The following MEP1B variants were observed in gnomAD, a reference collection of about 807,000 sequenced individuals.
The protein encoded by MEP1B is N-benzoyl-L-tyrosyl-P-amino-benzoic acid hydrolase subunit beta.
MEP1B carries 80 observed loss-of-function variants against 84.6 expected under a neutral mutation model. That is an observed-to-expected ratio of 0.95 (90% CI 0.79 to 1.14). MEP1B has a LOEUF of 1.14. Ranked by LOEUF, MEP1B falls within the 50% of genes most tolerant of loss-of-function variation. MEP1B has a pLI of 0.00. For missense variants in MEP1B, 766 were observed against 855.1 expected, an observed-to-expected ratio of 0.90 and a Z score of 1.30; for synonymous variants, 273 against 288.1, an observed-to-expected ratio of 0.95 and a Z score of 0.53.
At chr18:32,199,899 C>T (rs530841521) in intron 5 of MEP1B, among the ~76,000 whole-genome samples, 2 of 152,310 alleles carry the variant, frequency 1.3e-5, no homozygotes, top group South Asian at 4.1e-4. Flanking sequence ...ACCTCGGCCT[C>T]CCGAAGTGTT....
intron 14 of MEP1B, among the ~76,000 whole-genome samples, chr18:32,219,088 G>A (rs967582597): frequency 3.3e-5 from 5 of 152,136 alleles, no homozygotes; most frequent in Admixed American, 2.6e-4. Flanking sequence ...CAGAAAAAAT[G>A]CCCAATTAGA....
intron 6 of MEP1B, among the ~76,000 whole-genome samples, chr18:32,203,513 T>A (rs2040933268): frequency 6.6e-6 from 1 of 152,126 alleles, no homozygotes; most frequent in African/African-American, 2.4e-5. Flanking sequence ...AAAAACCAGG[T>A]CTAGACCACC....
At chr18:32,209,084 G>T (rs1178507230) in intron 9 of MEP1B, among the ~76,000 whole-genome samples, 2 of 152,284 alleles carry the variant, frequency 1.3e-5, no homozygotes, top group Middle Eastern at 3.4e-3. Context: ...TAAGGGAAAG[G>T]TTCCCTAATG....
At chr18:32,201,865 G>C (rs1158787370) in intron 5 of MEP1B, among the ~76,000 whole-genome samples, 2 of 152,170 alleles carry the variant, frequency 1.3e-5, no homozygotes, top group Non-Finnish European at 2.9e-5. Context: ...CTCAACAGAG[G>C]CATACCAAGT....
intron 9 of MEP1B, 28 bp from the exon 10 acceptor site, chr18:32,210,473 T>G (rs1223504340): frequency 6.3e-7 from 1 of 1,594,188 alleles, no homozygotes; most frequent in African/African-American, 1.3e-5. Context: ...GTATCTGTTT[T>G]TCTCTCAATT....
At chr18:32,219,492 C>T (rs1450554961) in intron 14 of MEP1B, among the ~76,000 whole-genome samples, 1 of 152,042 alleles carries the variant, frequency 6.6e-6, no homozygotes, top group Non-Finnish European at 1.5e-5. Flanking sequence ...GGCAGCTGTG[C>T]CTGCAAGTTC....
chr18:32,219,424 A>G (rs1435898553), intron 14 of MEP1B, among the ~76,000 whole-genome samples: 1 of 152,228 alleles, frequency 6.6e-6, no homozygotes, highest in Non-Finnish European at 1.5e-5. Flanking sequence ...AGCTTATTTT[A>G]TGACTCAAAA....
intron 5 of MEP1B, among the ~76,000 whole-genome samples, chr18:32,201,966 C>A (rs1443321963): frequency 5.3e-5 from 8 of 152,170 alleles, no homozygotes; most frequent in Admixed American, 4.6e-4. Flanking sequence ...GGAACTTCAC[C>A]TTTACTTTCT....
chr18:32,216,273 GA>G (rs2041089091), intron 12 of MEP1B, among the ~76,000 whole-genome samples: 1 of 152,074 alleles, frequency 6.6e-6, no homozygotes, highest in Non-Finnish European at 1.5e-5. Flanking sequence ...ATACCTCTTG[GA>G]GAGATTATTC....
chr18:32,209,658 G>T (rs1182310143), intron 9 of MEP1B, among the ~76,000 whole-genome samples: 1 of 152,056 alleles, frequency 6.6e-6, no homozygotes, highest in African/African-American at 2.4e-5. Context: ...TTCATTACAA[G>T]TATCATTTTA....
rs758059110 is a variant in MEP1B, at chr18:32,215,062, A to C, written c.1580-20A>C. The C allele has an allele frequency of 3.2e-6, 5 of 1,545,344 alleles. No homozygotes were observed. Among genetic ancestry groups the C allele is most frequent in the Non-Finnish European group, 1.8e-6 (2 of 1,129,810 alleles). ...ACGATGATGATAAACACACTCCATT[A>C]ATATAAATTGCTTTTTCAGATAATG... On this transcript the variant is annotated intron_variant, in intron 11 of 14. Transcript: ENST00000269202.
At position 32,196,423 on chromosome 18, in the gene MEP1B, G is replaced by A. The variant is rs1229879599; in HGVS notation, c.250+938G>A. 1.4e-6 allele frequency: 1 copy of A among 695,176 alleles called. No individual in the cohort carries two copies. Among genetic ancestry groups the A allele is most frequent in the South Asian group, 1.5e-5 (1 of 67,356 alleles). The allele number at this position is 695,176 out of a possible 1,614,324, so 43.1% of individuals were successfully genotyped here. A position where few individuals can be genotyped will look rare whatever the true frequency, so the allele number is the denominator to read the frequency against. On this transcript the variant is annotated intron_variant, in intron 5 of 14. Transcript: ENST00000269202. The surrounding 1 kb of genome is among the most constrained non-coding windows in gnomAD (Gnocchi z 4.4). The stretch of plus-strand genomic sequence containing the variant: ...CTTCTCCTGGTCCTCGCCCAGCTGG[G>A]TCTTACAGAGGGTGTGCAGCCAGCC...
chr18:32,199,882 T>C (rs9675713), intron 5 of MEP1B, among the ~76,000 whole-genome samples: 4,310 of 152,242 alleles, frequency 0.028, 181 homozygotes, highest in African/African-American at 0.096. Context: ...CACCAGGCAA[T>C]CCACCCACCT....
intron 5 of MEP1B, among the ~76,000 whole-genome samples, chr18:32,200,602 G>A (rs1253822351): frequency 6.6e-6 from 1 of 152,148 alleles, no homozygotes; most frequent in Non-Finnish European, 1.5e-5. Context: ...CCTATGAAGG[G>A]TTGATTTCTG....
chr18:32,204,490 C>T (rs2040945238), intron 7 of MEP1B, 130 bp downstream of exon 7: 2 of 784,830 alleles, frequency 2.5e-6, no homozygotes, highest in Non-Finnish European at 4.1e-6. Flanking sequence ...ATTCATTCAG[C>T]TTGAACTCAT....
At chr18:32,212,034 T>C (rs1396863034) in intron 10 of MEP1B, among the ~76,000 whole-genome samples, 1 of 148,208 alleles carries the variant, frequency 6.7e-6, no homozygotes, top group Non-Finnish European at 1.5e-5. Flanking sequence ...TAAAGAATAA[T>C]TATATATAAT....
chr18:32,196,433 G>C lies in MEP1B; in HGVS notation c.250+948G>C, dbSNP rs1055343298. The C allele has an allele frequency of 1.0e-5, 7 of 694,562 alleles. No homozygotes were observed. The African/African-American group carries it at 1.1e-4, about 10-fold the overall frequency. 43.0% of individuals were successfully genotyped at this position (694,562 alleles called of 1,614,324 possible). A position where few individuals can be genotyped will look rare whatever the true frequency, so the allele number is the denominator to read the frequency against. ...TCCTCGCCCAGCTGGGTCTTACAGA[G>C]GGTGTGCAGCCAGCCCTTCCTTCTG... On this transcript the variant is annotated intron_variant, in intron 5 of 14. Coordinates refer to ENST00000269202, the MANE Select transcript of MEP1B (RefSeq NM_005925.3). The surrounding 1 kb of genome is among the most constrained non-coding windows in gnomAD (Gnocchi z 4.4).
intron 7 of MEP1B, 70 bp downstream of exon 7, chr18:32,204,430 A>G: frequency 7.7e-7 from 1 of 1,296,722 alleles, no homozygotes. Context: ...CTCTCTTGTC[A>G]TCTGTGGCAA....
chr18:32,195,926 TG>T (rs2040848811), intron 5 of MEP1B: 1 of 259,594 alleles, frequency 3.9e-6, no homozygotes, highest in Non-Finnish European at 7.5e-6. Context: ...AAGAGGGCCT[TG>T]CTTCCTCTTC....
Sources: gnomAD v4.1 joint callset for allele counts (sites outside exome capture counted in the v4.1 genomes callset) on GRCh38, gnomAD v4.1.1 for gene constraint, Gnocchi (gnomAD v3.1) non-coding constraint, MANE v1.5 for transcripts, NCBI Gene and HGNC (gene_info 2026-07-23, HGNC 2026-07-21) for gene names.